RELN: variants seen among roughly 807,000 people sequenced by gnomAD.
The protein encoded by RELN is reelin.
Under a neutral mutation model 427.6 loss-of-function variants are expected in RELN, and 108 were observed. The ratio of observed to expected loss-of-function variants is 0.25; its 90% CI spans 0.22 to 0.30. RELN has a LOEUF of 0.30. Ranked by LOEUF, RELN falls within the 10% of genes least tolerant of loss-of-function variation. The pLI is 1.00. For synonymous variants in RELN, 1,524 were observed against 1,513.4 expected (o/e 1.01, Z -0.16); for missense variants, 3,715 against 4,302.8 (o/e 0.86, Z 3.82).
intron 8 of RELN, among the ~76,000 whole-genome samples, chr7:103,717,230 T>G (rs1789960325): frequency 6.6e-6 from 1 of 151,492 alleles, no homozygotes; most frequent in South Asian, 2.1e-4. Flanking sequence ...AATATTCTCT[T>G]TTATTACTTA....
At chr7:103,949,840 G>C (rs1339102320) in intron 1 of RELN, among the ~76,000 whole-genome samples, 1 of 152,016 alleles carries the variant, frequency 6.6e-6, no homozygotes, top group Non-Finnish European at 1.5e-5. Context: ...ACTCAGCACT[G>C]AATTACAAGA....
At chr7:103,712,519 T>C (rs1336579786) in intron 8 of RELN, among the ~76,000 whole-genome samples, 2 of 152,234 alleles carry the variant, frequency 1.3e-5, no homozygotes, top group African/African-American at 4.8e-5. Context: ...CTTATAGATT[T>C]CCAAAAGGTA....
intron 8 of RELN, among the ~76,000 whole-genome samples, chr7:103,704,063 C>A (rs1489563327): frequency 6.6e-6 from 1 of 152,140 alleles, no homozygotes; most frequent in Non-Finnish European, 1.5e-5. Context: ...TACTTCTATG[C>A]CCCCAGTTTG....
chr7:103,636,417 G>A lies in RELN; in HGVS notation c.2121C>T (p.Phe707=), dbSNP rs201944880. The change falls in exon 18 of 65, where the codon TTC becomes TTT. Residue 707 remains phenylalanine, a synonymous_variant. Transcript: ENST00000428762. ...CAAAGCTTTCAGAAATAAACATTGG[G>A]AATGTCTGGGATGCCATCTCACAAG... ...GPACEMASQT[F]PMFISESFGS... is the part of the protein sequence containing the mutation. The A allele has an allele frequency of 8.7e-6, 14 of 1,613,976 alleles. No homozygotes were observed. The highest frequency in any genetic ancestry group is 1.2e-5 in the Non-Finnish European group (14 of 1,179,934).
intron 3 of RELN, among the ~76,000 whole-genome samples, chr7:103,807,736 G>T (rs893270743): frequency 6.6e-6 from 1 of 152,082 alleles, no homozygotes; most frequent in African/African-American, 2.4e-5. Context: ...TTCTGCATTA[G>T]TTTGCTTAGG....
At chr7:103,728,565 C>T (rs1230230597) in intron 6 of RELN, among the ~76,000 whole-genome samples, 2 of 151,982 alleles carry the variant, frequency 1.3e-5, no homozygotes, top group African/African-American at 4.8e-5. Flanking sequence ...AATGTCATAG[C>T]AGGCATTTAA....
chr7:103,869,638 G>A (rs565257933), intron 2 of RELN, among the ~76,000 whole-genome samples: 17 of 151,988 alleles, frequency 1.1e-4, no homozygotes, highest in Admixed American at 3.9e-4. Context: ...TTTTATTTAC[G>A]TGTAAGTTAT....
chr7:103,776,760 A>C (rs1166567074), intron 3 of RELN, 133 bp from the exon 4 acceptor site: 2 of 889,478 alleles, frequency 2.2e-6, no homozygotes, highest in East Asian at 5.4e-5. Context: ...GTACATCAGA[A>C]GAGTGATATA....
At position 103,717,476 on chromosome 7, in the gene RELN, A is replaced by AT. The variant is rs1789967600; in HGVS notation, c.805+5663_805+5664insA. Among the ~76,000 whole-genome samples the AT allele has an allele frequency of 2.8e-5, 4 of 140,776 alleles. 1 individual carries two copies. Among genetic ancestry groups the AT allele is most frequent in the African/African-American group, 8.4e-5 (3 of 35,554 alleles). The allele number at this position is 140,776 out of a possible 152,430, so 92.4% of individuals were successfully genotyped here. A position where few individuals can be genotyped will look rare whatever the true frequency, so the allele number is the denominator to read the frequency against. ...GTTAACATAGAGGTATTCCATATAT[A>AT]AAACAAAAAAAAAAATTTGTTTTAA... On this transcript the variant is annotated intron_variant, in intron 8 of 64. Transcript: ENST00000428762.
At chr7:103,507,946 A>C (rs1429463708) in intron 51 of RELN, among the ~76,000 whole-genome samples, 1 of 152,206 alleles carries the variant, frequency 6.6e-6, no homozygotes, top group Non-Finnish European at 1.5e-5. Flanking sequence ...GAAATGGATA[A>C]ATTCCTCGAC....
In RELN at chr7:103,654,167, T is replaced by C. The variant is rs372015884; in HGVS notation, c.1480A>G (p.Ile494Val). ...CDPGNSHEND[I>V]ILYAKIEGRK... ...CCTTCAATTTTTGCATACAGGATTATGTCATTTTCATGAGAATTTCCAGGG... is the reference window on the plus strand; with the variant it reads ...CCTTCAATTTTTGCATACAGGATTACGTCATTTTCATGAGAATTTCCAGGG... The change falls in exon 13 of 65, where the codon ATA (isoleucine) becomes GTA (valine). Residue 494 changes from isoleucine to valine, a missense_variant. Ile to Val is a conservative substitution (Grantham distance 29, BLOSUM62 3). Transcript: ENST00000428762. The C allele has an allele frequency of 3.6e-5, 58 of 1,611,696 alleles. 1 individual carries two copies. The South Asian group carries it at 4.6e-4, about 13-fold the overall frequency.
chr7:103,636,485 G>T lies in RELN; in HGVS notation c.2070-17C>A. 1 of 1,520,038 alleles carries T rather than the reference G, an allele frequency of 6.6e-7. No homozygotes were observed. The highest frequency in any genetic ancestry group is 9.1e-7 in the Non-Finnish European group (1 of 1,096,314). 94.2% of individuals were successfully genotyped at this position (1,520,038 alleles called of 1,614,324 possible). A position where few individuals can be genotyped will look rare whatever the true frequency, so the allele number is the denominator to read the frequency against. ...GGGTCACACCTGAAAGAAATATGGT[G>T]AAATTAAATCTTAAACTGTTGGCTG... On this transcript the variant is annotated splice_polypyrimidine_tract_variant and intron_variant, in intron 17 of 64. Transcript: ENST00000428762.
At chr7:103,966,501 C>T (rs917340367) in intron 1 of RELN, among the ~76,000 whole-genome samples, 1 of 152,084 alleles carries the variant, frequency 6.6e-6, no homozygotes, top group African/African-American at 2.4e-5. Context: ...TTTTTTTTCT[C>T]ATCAACATTA....
At chr7:103,687,984 A>G (rs576874051) in intron 10 of RELN, among the ~76,000 whole-genome samples, 1 of 152,268 alleles carries the variant, frequency 6.6e-6, no homozygotes, top group East Asian at 1.9e-4. Context: ...CACTACTTAC[A>G]TTTAACCCTT....
rs548133653 is a variant in RELN, at chr7:103,810,691, C to G, written c.473+22846G>C. On this transcript the variant is annotated intron_variant, in intron 3 of 64. Transcript: ENST00000428762. Reference sequence around the variant, plus strand: ...AAAAAACAAAAACAAAAAACCTTGCCTCTTCTGAATGGATTACAGTGCATG... The same window carrying G: ...AAAAAACAAAAACAAAAAACCTTGCGTCTTCTGAATGGATTACAGTGCATG... 4.6e-5 allele frequency among the ~76,000 whole-genome samples: 7 copies of G among 152,274 alleles called. No individual in the cohort carries two copies. In the East Asian group the frequency reaches 1.2e-3, roughly 25 times the overall value.
chr7:103,854,524 C>G (rs1392294683), intron 2 of RELN, among the ~76,000 whole-genome samples: 1 of 152,000 alleles, frequency 6.6e-6, no homozygotes, highest in Non-Finnish European at 1.5e-5. Context: ...GCTACAATTG[C>G]TTTAGAGACT....
intron 46 of RELN, among the ~76,000 whole-genome samples, chr7:103,532,021 C>A (rs1263532541): frequency 2.6e-5 from 4 of 152,074 alleles, no homozygotes. Flanking sequence ...TTCACAATAA[C>A]AAAGACATGG....
chr7:103,809,926 G>A (rs1792695267), intron 3 of RELN, among the ~76,000 whole-genome samples: 1 of 152,156 alleles, frequency 6.6e-6, no homozygotes, highest in African/African-American at 2.4e-5. Flanking sequence ...GACTTCCTGG[G>A]TGAGACTCAT....
chr7:103,751,868 A>G (rs1191154097), intron 5 of RELN, among the ~76,000 whole-genome samples: 1 of 152,256 alleles, frequency 6.6e-6, no homozygotes, highest in Non-Finnish European at 1.5e-5. Flanking sequence ...ACCTATCTAG[A>G]AAGTCCCATA....
Sources: allele counts gnomAD v4.1 joint callset (sites outside exome capture counted in the v4.1 genomes callset), GRCh38; gene constraint gnomAD v4.1.1; transcripts MANE v1.5; gene names NCBI Gene and HGNC (gene_info 2026-07-23, HGNC 2026-07-21).